Variants in ODAD4 observed in about 807,000 individuals in gnomAD.
ODAD4 encodes the protein outer dynein arm-docking complex subunit 4.
In ODAD4, 49 loss-of-function variants were observed where a neutral mutation model predicts 51.8. The ratio of observed to expected loss-of-function variants is 0.95; its 90% CI spans 0.75 to 1.20. The LOEUF (loss-of-function observed/expected upper bound fraction) is 1.20. ODAD4 is among the 50% of genes most tolerant of loss of function. The pLI, the probability that ODAD4 is intolerant of heterozygous loss-of-function variation, is 0.00. For synonymous variants in ODAD4, 235 were observed against 221.3 expected (o/e 1.06, Z -0.55); for missense variants, 590 against 586.5 (o/e 1.01, Z -0.06).
At chr17:41,945,281 A>G (rs2050570579) in intron 8 of ODAD4, 59 bp downstream of exon 8, 2 of 1,352,708 alleles carry the variant, frequency 1.5e-6, no homozygotes, top group Admixed American at 1.9e-5. Context: ...TCACCATAAC[A>G]TGAAAATTTG....
chr17:41,949,655 G>A (rs2144518679), intron 9 of ODAD4, among the ~76,000 whole-genome samples: 1 of 152,094 alleles, frequency 6.6e-6, no homozygotes, highest in Admixed American at 6.6e-5. Context: ...CTTCTGCCTT[G>A]GTACTTTTTT....
rs1555638378 is a variant in ODAD4, at chr17:41,939,161, C to G, written c.1047C>G (p.Ile349Met). ...AGAGCCACAGAAAGGACCTGGAGAT[C>G]GCCAAGGAATAGTGAGTGCCCTAGG... ...ALQSHRKDLE[I>M]AKEYDLPDAK... The change falls in exon 7 of 12, where the codon ATC (isoleucine) becomes ATG (methionine). Residue 349 changes from isoleucine (I) to methionine (M), a missense_variant. Physicochemically the swap from Ile to Met is conservative, Grantham distance 10. Coordinates refer to ENST00000377540, the MANE Select transcript of ODAD4 (RefSeq NM_031421.5). The G allele has an allele frequency of 6.2e-7, 1 of 1,613,454 alleles. No individual in the cohort carries two copies. The highest frequency in any genetic ancestry group is 1.1e-5 in the South Asian group (1 of 90,996).
chr17:41,943,010 G>A (rs2050527770), intron 7 of ODAD4, among the ~76,000 whole-genome samples: 1 of 152,088 alleles, frequency 6.6e-6, no homozygotes, highest in East Asian at 1.9e-4. Flanking sequence ...CTACTGGCAT[G>A]AACCATTGTG....
At chr17:41,943,807 GCATATAGA>G (rs1457344634) in intron 7 of ODAD4, among the ~76,000 whole-genome samples, 1 of 152,084 alleles carries the variant, frequency 6.6e-6, no homozygotes, top group Non-Finnish European at 1.5e-5. Flanking sequence ...GGTTTCTTGA[GCATATAGA>G]CCTAGTTACT....
rs182372567 is a variant in ODAD4, at chr17:41,936,444, G to T, written c.398-29G>T. 4 of 1,587,460 alleles carry T rather than the reference G, an allele frequency of 2.5e-6. No homozygotes were observed. In the Admixed American group the frequency reaches 6.7e-5, roughly 27 times the overall value. ...TAAGTCATGCCTGGGGGGTCTGGCC[G>T]ACCTGAGCTCCAGCTTCTTTCCTTG... is the stretch of plus-strand genomic sequence containing the variant. On this transcript the variant is annotated intron_variant, in intron 3 of 11. Transcript: ENST00000377540.
rs782147411 is a variant in ODAD4, at chr17:41,938,601, CTCA to C, written c.675_677del (p.Ile225del). The C allele has an allele frequency of 6.2e-7, 1 of 1,613,808 alleles. No homozygotes were observed. Among genetic ancestry groups the C allele is most frequent in the African/African-American group, 1.3e-5 (1 of 74,912 alleles). ...GAAGGGCGGCCTGACTGTGGAGGAC[CTCA>C]TCATGACGGGCATCAACTACCTGGA... On this transcript the variant is annotated inframe_deletion, in exon 6 of 12. Transcript: ENST00000377540.
rs907235759 is a variant in ODAD4, at chr17:41,935,739, C to T, written c.387C>T (p.Asn129=). The T allele has an allele frequency of 1.9e-6, 3 of 1,613,866 alleles. No homozygotes were observed. Among genetic ancestry groups the T allele is most frequent in the African/African-American group, 2.7e-5 (2 of 74,936 alleles). The change falls in exon 3 of 12, where the codon AAC becomes AAT. Residue 129 remains asparagine (N), a synonymous_variant. Transcript: ENST00000377540. Reference sequence around the variant, plus strand: ...AGAAAGCCCAGGAAGCCATCAACAACTCAGTGGGAAGTGAGTGACCACAGG... The same window carrying T: ...AGAAAGCCCAGGAAGCCATCAACAATTCAGTGGGAAGTGAGTGACCACAGG... The part of the protein sequence containing the change: ...GIQKAQEAIN[N]SVGSPSSIKL...
At chr17:41,955,403 G>T (rs2050717323) in intron 10 of ODAD4, 86 bp downstream of exon 10, 1 of 673,578 alleles carries the variant, frequency 1.5e-6, no homozygotes, top group Admixed American at 2.3e-5. Context: ...CTGCTTGGGC[G>T]CCATTCCACA....
At chr17:41,952,786 A>G in intron 9 of ODAD4, 1 of 392,138 alleles carries the variant, frequency 2.6e-6, no homozygotes, top group Non-Finnish European at 5.3e-6. Flanking sequence ...ACTTTAGTGC[A>G]GTGTCACGTC....
intron 10 of ODAD4, among the ~76,000 whole-genome samples, chr17:41,958,660 C>CA (rs544794329): frequency 3.9e-3 from 225 of 57,910 alleles, no homozygotes; most frequent in Middle Eastern, 0.014. Context: ...AACTCCATCT[C>CA]AAAAAAAAAA....
chr17:41,952,769 C>T, intron 9 of ODAD4: 1 of 441,128 alleles, frequency 2.3e-6, no homozygotes, highest in South Asian at 1.6e-5. Context: ...CTTGCTTTAT[C>T]ACCCAGACTT....
chr17:41,935,798 C>G, intron 3 of ODAD4, 49 bp downstream of exon 3: 1 of 1,605,198 alleles, frequency 6.2e-7, no homozygotes, highest in South Asian at 1.1e-5. Flanking sequence ...TCCTTGGAAT[C>G]CTTAGGTTTA....
intron 10 of ODAD4, among the ~76,000 whole-genome samples, chr17:41,955,663 A>G (rs2050721935): frequency 6.6e-6 from 1 of 152,028 alleles, no homozygotes; most frequent in African/African-American, 2.4e-5. Context: ...TGACTTTGTG[A>G]TCCGCCCGCC....
intron 8 of ODAD4, among the ~76,000 whole-genome samples, chr17:41,946,812 G>A (rs2050592925): frequency 6.6e-6 from 1 of 151,594 alleles, no homozygotes; most frequent in Non-Finnish European, 1.5e-5. Context: ...CCAAGTAGCT[G>A]GGACTACAGT....
At chr17:41,946,318 C>CT (rs1232666576) in intron 8 of ODAD4, among the ~76,000 whole-genome samples, 5 of 151,590 alleles carry the variant, frequency 3.3e-5, no homozygotes, top group Admixed American at 6.6e-5. Context: ...CAATTTATCA[C>CT]TTTTTTTTGT....
At chr17:41,944,996 T>G (rs1419960708) in intron 7 of ODAD4, 140 bp from the exon 8 acceptor site, 1 of 644,922 alleles carries the variant, frequency 1.6e-6, no homozygotes, top group African/African-American at 1.8e-5. Flanking sequence ...GCCACATCCT[T>G]GCTGGGCTGG....
chr17:41,959,727 A>C (rs1382279753), intron 10 of ODAD4, among the ~76,000 whole-genome samples: 6 of 152,210 alleles, frequency 3.9e-5, no homozygotes, highest in African/African-American at 1.4e-4. Context: ...AGAGCCCCAG[A>C]CAGTCAGCAC....
At chr17:41,936,424 C>T in intron 3 of ODAD4, 49 bp from the exon 4 acceptor site, 1 of 1,352,870 alleles carries the variant, frequency 7.4e-7, no homozygotes, top group Non-Finnish European at 1.1e-6. Context: ...TGTGATAAGT[C>T]ATGCCTGGGG....
In ODAD4 at chr17:41,936,453, T is replaced by C; in HGVS notation, c.398-20T>C. On this transcript the variant is annotated intron_variant, in intron 3 of 11. Coordinates refer to ENST00000377540, the MANE Select transcript of ODAD4 (RefSeq NM_031421.5). The stretch of plus-strand genomic sequence containing the variant: ...CCTGGGGGGTCTGGCCGACCTGAGC[T>C]CCAGCTTCTTTCCTTGCAGGTCCTT... 1 of 1,606,268 alleles carries C rather than the reference T, an allele frequency of 6.2e-7. No individual in the cohort carries two copies. Among genetic ancestry groups the C allele is most frequent in the Non-Finnish European group, 8.5e-7 (1 of 1,174,012 alleles).
Sources: allele counts gnomAD v4.1 joint callset (sites outside exome capture counted in the v4.1 genomes callset), GRCh38; gene constraint gnomAD v4.1.1; transcripts MANE v1.5; gene names NCBI Gene and HGNC (gene_info 2026-07-23, HGNC 2026-07-21).